Variants in ADGRB3 observed in about 807,000 individuals in gnomAD.
The protein encoded by ADGRB3 is adhesion G protein-coupled receptor B3, also known as brain-specific angiogenesis inhibitor 3.
A neutral mutation model predicts 193.4 loss-of-function variants in ADGRB3; 37 were observed. That is an observed-to-expected ratio of 0.19 (90% CI 0.15 to 0.25). The LOEUF is 0.25. Ranked by LOEUF, ADGRB3 falls within the 10% of genes least tolerant of loss-of-function variation. The pLI, the probability that ADGRB3 is intolerant of heterozygous loss-of-function variation, is 1.00. For synonymous variants in ADGRB3, 690 were observed against 644.2 expected, an observed-to-expected ratio of 1.07 and a Z score of -1.08; for missense variants, 1,637 against 1,852.9, an observed-to-expected ratio of 0.88 and a Z score of 2.14.
chr6:68,930,714 T>G, intron 4 of ADGRB3, 45 bp downstream of exon 4: 1 of 1,325,732 alleles, frequency 7.5e-7, no homozygotes. Context: ...GTTAATTTAA[T>G]GAAACCACTG....
At chr6:69,048,761 G>A (rs1338859784) in intron 14 of ADGRB3, among the ~76,000 whole-genome samples, 2 of 152,064 alleles carry the variant, frequency 1.3e-5, no homozygotes, top group African/African-American at 2.4e-5. Context: ...ATACCTGGAT[G>A]ATAAAATAAT....
chr6:69,012,197 G>GT (rs968087716), intron 11 of ADGRB3, among the ~76,000 whole-genome samples: 30 of 151,094 alleles, frequency 2.0e-4, no homozygotes, highest in South Asian at 1.3e-3. Flanking sequence ...TTTGTGAAAT[G>GT]TTTTTTTTTG....
chr6:69,249,092 C>T (rs1482057368), intron 20 of ADGRB3, among the ~76,000 whole-genome samples: 1 of 152,222 alleles, frequency 6.6e-6, no homozygotes, highest in Non-Finnish European at 1.5e-5. Flanking sequence ...ATTCTCCTGC[C>T]TTAGCCTCCT....
chr6:69,187,434 G>T (rs1236204717), intron 17 of ADGRB3, among the ~76,000 whole-genome samples: 1 of 152,068 alleles, frequency 6.6e-6, no homozygotes, highest in Admixed American at 6.6e-5. Flanking sequence ...ATGGTATCTG[G>T]CAGTACTACT....
chr6:68,974,565 T>A (rs1000382247), intron 8 of ADGRB3, among the ~76,000 whole-genome samples, 198 bp from the exon 9 acceptor site: 1 of 151,870 alleles, frequency 6.6e-6, no homozygotes, highest in Non-Finnish European at 1.5e-5. Flanking sequence ...CCCAGTAGTT[T>A]GCGGCTGCAC....
intron 3 of ADGRB3, among the ~76,000 whole-genome samples, chr6:68,758,472 G>A (rs1766338160): frequency 6.6e-6 from 1 of 152,104 alleles, no homozygotes; most frequent in African/African-American, 2.4e-5. Context: ...GTTTCATTGT[G>A]TCCCTTTCTT....
At chr6:68,653,950 T>C (rs1284479592) in intron 3 of ADGRB3, among the ~76,000 whole-genome samples, 1 of 152,018 alleles carries the variant, frequency 6.6e-6, no homozygotes, top group African/African-American at 2.4e-5. Context: ...CTCCTTTTTT[T>C]TGATACATAG....
At chr6:68,891,760 G>C (rs987490464) in intron 3 of ADGRB3, among the ~76,000 whole-genome samples, 4 of 152,176 alleles carry the variant, frequency 2.6e-5, no homozygotes, top group African/African-American at 9.6e-5. Flanking sequence ...GCTGTGTCTG[G>C]AGTGGAGGAA....
rs1019846894 is a variant in ADGRB3 at position 69,254,694 on chromosome 6, TTTC to T, written c.2814+15471_2814+15473del. Among the ~76,000 whole-genome samples, 9 of 151,928 alleles carry T rather than the reference TTTC, an allele frequency of 5.9e-5. No homozygotes were observed. In the East Asian group the frequency reaches 1.7e-3, roughly 29 times the overall value. On this transcript the variant is annotated intron_variant, in intron 20 of 31. Coordinates refer to ENST00000370598, the MANE Select transcript of ADGRB3 (RefSeq NM_001704.3). ...CTGATTTTTAAAAAATGCCTTTGTA[TTTC>T]TTTTTTTTTTCTTTTTTTTATTATT...
chr6:68,985,673 G>GC (rs1380667314), intron 10 of ADGRB3, among the ~76,000 whole-genome samples: 1 of 152,140 alleles, frequency 6.6e-6, no homozygotes, highest in Non-Finnish European at 1.5e-5. Context: ...AATAAACAGA[G>GC]CCTCCCTGAT....
intron 3 of ADGRB3, among the ~76,000 whole-genome samples, chr6:68,837,559 A>G (rs553399139): frequency 6.6e-6 from 1 of 152,372 alleles, no homozygotes; most frequent in South Asian, 2.1e-4. Flanking sequence ...GATTTTATCA[A>G]TAAAAAGTTT....
At chr6:68,900,929 A>G (rs1766377803) in intron 3 of ADGRB3, among the ~76,000 whole-genome samples, 1 of 152,116 alleles carries the variant, frequency 6.6e-6, no homozygotes, top group Admixed American at 6.6e-5. Flanking sequence ...TTATTTTGAT[A>G]TTTCAAGGAT....
At chr6:69,087,540 G>C (rs1772585564) in intron 17 of ADGRB3, among the ~76,000 whole-genome samples, 1 of 152,076 alleles carries the variant, frequency 6.6e-6, no homozygotes, top group South Asian at 2.1e-4. Context: ...AACATAGAAG[G>C]CACTATCTAT....
chr6:68,997,733 A>C (rs1427423837), intron 11 of ADGRB3, among the ~76,000 whole-genome samples: 1 of 151,808 alleles, frequency 6.6e-6, no homozygotes, highest in Non-Finnish European at 1.5e-5. Flanking sequence ...CTCCCAACAC[A>C]TGAGGTCCTT....
At chr6:69,322,542 ATTCT>A (rs1768481730) in intron 20 of ADGRB3, among the ~76,000 whole-genome samples, 1 of 151,966 alleles carries the variant, frequency 6.6e-6, no homozygotes, top group Non-Finnish European at 1.5e-5. Flanking sequence ...ACTAATAGCC[ATTCT>A]GACTGATATG....
intron 20 of ADGRB3, among the ~76,000 whole-genome samples, chr6:69,316,951 G>A (rs923035289): frequency 2.0e-5 from 3 of 151,486 alleles, no homozygotes; most frequent in Non-Finnish European, 4.4e-5. Context: ...ACTAAAGGAA[G>A]AGAATGTAGA....
At chr6:68,842,302 A>C (rs1768174489) in intron 3 of ADGRB3, among the ~76,000 whole-genome samples, 1 of 151,958 alleles carries the variant, frequency 6.6e-6, no homozygotes. Flanking sequence ...AAAAAATCCA[A>C]ATAAATAAAA....
chr6:68,734,712 T>C (rs746604897), intron 3 of ADGRB3, among the ~76,000 whole-genome samples: 2 of 152,076 alleles, frequency 1.3e-5, no homozygotes, highest in African/African-American at 2.4e-5. Flanking sequence ...GTAGTTAGTG[T>C]GTCTCTTAGA....
chr6:68,899,069 C>G (rs956521153), intron 3 of ADGRB3, among the ~76,000 whole-genome samples: 3 of 152,008 alleles, frequency 2.0e-5, no homozygotes, highest in African/African-American at 7.2e-5. Flanking sequence ...TTAGTTGTGA[C>G]AAATATACCA....
Sources: allele counts gnomAD v4.1 joint callset (sites outside exome capture counted in the v4.1 genomes callset), GRCh38; gene constraint gnomAD v4.1.1; transcripts MANE v1.5; gene names NCBI Gene and HGNC (gene_info 2026-07-23, HGNC 2026-07-21).